GNAS: variants seen among roughly 807,000 people sequenced by gnomAD.
The protein encoded by GNAS is GNAS complex locus.
Under a neutral mutation model 54.5 loss-of-function variants are expected in GNAS, and 8 were observed. The ratio of observed to expected loss-of-function variants is 0.15; its 90% CI spans 0.09 to 0.26. The LOEUF is 0.26. GNAS is among the 10% of genes least tolerant of loss of function. The probability of loss-of-function intolerance (pLI) is 1.00; values close to 1 mark genes in which losing one functional copy is unlikely to be tolerated. For missense variants in GNAS, 170 were observed against 529.8 expected (o/e 0.32, Z 6.67); for synonymous variants, 204 against 191.4 (o/e 1.07, Z -0.54).
At chr20:58,885,128 T>C (rs2088501051) in intron 1 of GNAS, 1 of 152,244 alleles carries the variant, frequency 6.6e-6, no homozygotes, top group Non-Finnish European at 1.5e-5. Context: ...ATGGTGGTTT[T>C]GTTAAAAGTC....
At chr20:58,896,176 T>C (rs1204075992) in intron 2 of GNAS, among the ~76,000 whole-genome samples, 1 of 152,228 alleles carries the variant, frequency 6.6e-6, no homozygotes, top group African/African-American at 2.4e-5. Flanking sequence ...GTTTCCATAA[T>C]ATTCTCACCA....
chr20:58,850,473 C>G (rs2086114678), intron 1 of GNAS: 1 of 398,050 alleles, frequency 2.5e-6, no homozygotes, highest in Non-Finnish European at 4.4e-6. Context: ...AAGCAAACAA[C>G]CCCTTTGGAG....
intron 1 of GNAS, among the ~76,000 whole-genome samples, chr20:58,881,409 A>G (rs2088211784): frequency 6.6e-6 from 1 of 152,194 alleles, no homozygotes; most frequent in Admixed American, 6.5e-5. Context: ...GGCCTTTGCT[A>G]CCAGTGGAAG....
chr20:58,853,891 A>AG lies in GNAS; in HGVS notation c.43+13007dup. ...GAGCCCCAAGCCCTCAGGCCTGCAAAGGCTGGCTCCAGAGGAGGCTACAGC... is the reference window on the plus strand; with the variant it reads ...GAGCCCCAAGCCCTCAGGCCTGCAAAGGGCTGGCTCCAGAGGAGGCTACAGC... On this transcript the variant is annotated intron_variant, in intron 1 of 12. Coordinates refer to the GNAS transcript ENST00000306090. This position sits in a 1 kb window ranked among gnomAD's most constrained non-coding sequence, Gnocchi z 4.4. 6.2e-7 allele frequency: 1 copy of AG among 1,601,038 alleles called. No individual in the cohort carries two copies. Among genetic ancestry groups the AG allele is most frequent in the East Asian group, 2.3e-5 (1 of 44,272 alleles).
intron 5 of GNAS, 88 bp downstream of exon 5, chr20:58,903,879 G>C: frequency 7.1e-7 from 1 of 1,413,542 alleles, no homozygotes; most frequent in Non-Finnish European, 1.0e-6. Flanking sequence ...CCCTGCACAT[G>C]GGCAGGAGCA....
At chr20:58,899,923 CAT>C (rs1261545918) in intron 3 of GNAS, 19 of 717,722 alleles carry the variant, frequency 2.6e-5, no homozygotes, top group East Asian at 8.0e-5. Flanking sequence ...GTAACTGACA[CAT>C]GTTTGTTCAT....
chr20:58,850,454 G>T (rs940597954), intron 1 of GNAS: 9 of 397,692 alleles, frequency 2.3e-5, no homozygotes, highest in Non-Finnish European at 3.5e-5. Context: ...TGAGCGCGAG[G>T]CCTGACGAAA....
At chr20:58,891,890 C>T (rs1415757498) in intron 1 of GNAS, 25 bp downstream of exon 1, 4 of 1,114,354 alleles carry the variant, frequency 3.6e-6, no homozygotes, top group East Asian at 8.8e-5. Flanking sequence ...GGGGCGCCGG[C>T]CCCGGCCCGG....
At chr20:58,887,194 A>G (rs956109116), upstream of GNAS, among the ~76,000 whole-genome samples, 3 of 152,256 alleles carry the variant, frequency 2.0e-5, no homozygotes, top group Non-Finnish European at 4.4e-5. Flanking sequence ...ATAAGTATCT[A>G]GGTTGTATTT....
At chr20:58,843,864 T>C (rs575553158) in intron 1 of GNAS, among the ~76,000 whole-genome samples, 35 of 152,324 alleles carry the variant, frequency 2.3e-4, no homozygotes, top group South Asian at 4.1e-4. Context: ...CAACCTGATG[T>C]AGGTTTAAAG....
intron 1 of GNAS, among the ~76,000 whole-genome samples, chr20:58,872,568 T>G (rs964850408): frequency 3.7e-4 from 57 of 152,152 alleles, no homozygotes; most frequent in Admixed American, 3.5e-3. Flanking sequence ...CTCCCTTCCT[T>G]CCTTTCTTCC....
chr20:58,889,719 G>A (rs2088943171), upstream of GNAS, among the ~76,000 whole-genome samples: 1 of 151,144 alleles, frequency 6.6e-6, no homozygotes, highest in Admixed American at 6.6e-5. Context: ...CCAGCAGCCC[G>A]AAGCCCGGGC....
chr20:58,843,583 A>T (rs535139811), intron 1 of GNAS, among the ~76,000 whole-genome samples: 1 of 152,332 alleles, frequency 6.6e-6, no homozygotes, highest in Admixed American at 6.5e-5. Context: ...CCCAAGAAAA[A>T]GCAGATCTTA....
chr20:58,852,935 C>A, intron 1 of GNAS: 1 of 884,978 alleles, frequency 1.1e-6, no homozygotes, highest in Non-Finnish European at 1.4e-6. Context: ...CAGATCCAAG[C>A]AGGCGGGACT....
At chr20:58,872,569 C>T (rs368103909) in intron 1 of GNAS, among the ~76,000 whole-genome samples, 6 of 152,244 alleles carry the variant, frequency 3.9e-5, no homozygotes, top group South Asian at 4.2e-4. Flanking sequence ...TCCCTTCCTT[C>T]CTTTCTTCCT....
Position 58,891,534 on chromosome 20 carries a change from C to A in GNAS, c.-193C>A. ...CGCGCGCCCCTCGGTCCGACCGACA[C>A]CCTCCCCTTCCCGCCCGTCCGCGCG... On this transcript the variant is annotated 5_prime_UTR_variant, in exon 1 of 13. Transcript: ENST00000371085. The A allele has an allele frequency of 1.0e-6, 1 of 976,034 alleles. No homozygotes were observed. Among genetic ancestry groups the A allele is most frequent in the African/African-American group, 1.8e-5 (1 of 56,356 alleles). The allele number at this position is 976,034 out of a possible 1,614,324, so 60.5% of individuals were successfully genotyped here. A position where few individuals can be genotyped will look rare whatever the true frequency, so the allele number is the denominator to read the frequency against.
rs150917056 is a variant in GNAS, at chr20:58,874,327, G to T, written c.44-21285G>T. Among the ~76,000 whole-genome samples the T allele has an allele frequency of 1.9e-3, 291 of 152,324 alleles. 3 individuals carry two copies. Among genetic ancestry groups the T allele is most frequent in the African/African-American group, 6.5e-3 (271 of 41,574 alleles). ...CTTTTGCCAACTTCTTTCTTTCATTGTGCACTCTCTGGAGCCAAACTATGC... is the reference window on the plus strand; with the variant it reads ...CTTTTGCCAACTTCTTTCTTTCATTTTGCACTCTCTGGAGCCAAACTATGC... On this transcript the variant is annotated intron_variant, in intron 1 of 12. Transcript: ENST00000306090.
intron 1 of GNAS, among the ~76,000 whole-genome samples, chr20:58,871,909 G>A (rs2087494231): frequency 1.3e-5 from 2 of 152,190 alleles, no homozygotes; most frequent in Non-Finnish European, 2.9e-5. Flanking sequence ...CAGGCAGGGG[G>A]TGGAGCGCTG....
chr20:58,896,064 G>C (rs1418733765), intron 2 of GNAS, among the ~76,000 whole-genome samples: 2 of 152,034 alleles, frequency 1.3e-5, no homozygotes, highest in African/African-American at 4.8e-5. Flanking sequence ...CCGCCCCCTC[G>C]TCCGGCCCAC....
Sources: gnomAD v4.1 joint callset for allele counts (sites outside exome capture counted in the v4.1 genomes callset) on GRCh38, gnomAD v4.1.1 for gene constraint, Gnocchi (gnomAD v3.1) non-coding constraint, MANE v1.5 for transcripts, NCBI Gene and HGNC (gene_info 2026-07-23, HGNC 2026-07-21) for gene names.